The following DDX55 variants were observed in gnomAD, a reference collection of about 807,000 sequenced individuals.
The protein encoded by DDX55 is ATP-dependent RNA helicase DDX55.
DDX55 carries 56 observed loss-of-function variants against 69.2 expected under a neutral mutation model. That is an observed-to-expected ratio of 0.81 (90% CI 0.65 to 1.01). The LOEUF (loss-of-function observed/expected upper bound fraction) is 1.01, where lower values mean the gene tolerates loss of function less well. Ranked by LOEUF, DDX55 falls within the 50% of genes least tolerant of loss-of-function variation. The pLI, the probability that DDX55 is intolerant of heterozygous loss-of-function variation, is 0.00. For missense variants in DDX55, 720 were observed against 745.1 expected, an observed-to-expected ratio of 0.97 and a Z score of 0.39; for synonymous variants, 268 against 273.1, an observed-to-expected ratio of 0.98 and a Z score of 0.18.
chr12:123,607,690 T>G (rs1953977951), intron 5 of DDX55, 28 bp downstream of exon 5: 1 of 1,614,104 alleles, frequency 6.2e-7, no homozygotes, highest in East Asian at 2.2e-5. Flanking sequence ...TGCTTGTTTC[T>G]TTGCTTGCTT....
chr12:123,619,796 A>G, intron 13 of DDX55, 72 bp downstream of exon 13: 5 of 1,521,554 alleles, frequency 3.3e-6, no homozygotes, highest in Non-Finnish European at 4.4e-6. Flanking sequence ...TTAAATAGGA[A>G]TTGTGTGGGG....
intron 8 of DDX55, among the ~76,000 whole-genome samples, chr12:123,613,710 CT>C (rs1156799676): frequency 6.6e-6 from 1 of 152,218 alleles, no homozygotes; most frequent in Non-Finnish European, 1.5e-5. Context: ...GTGAATTCAT[CT>C]TAGGGGCCAA....
At chr12:123,608,142 CCT>C (rs1332453053) in intron 5 of DDX55, 1 of 189,512 alleles carries the variant, frequency 5.3e-6, no homozygotes, top group Non-Finnish European at 1.1e-5. Context: ...CACATCTGGC[CCT>C]GAGTCTGCCA....
At chr12:123,607,722 G>A (rs922525255) in intron 5 of DDX55, 60 bp downstream of exon 5, 28 of 1,611,028 alleles carry the variant, frequency 1.7e-5, no homozygotes, top group African/African-American at 1.1e-4. Flanking sequence ...CCTAAGAATC[G>A]ATGTGTGATC....
At chr12:123,614,086 C>T (rs1370918222) in intron 8 of DDX55, among the ~76,000 whole-genome samples, 1 of 152,132 alleles carries the variant, frequency 6.6e-6, no homozygotes, top group African/African-American at 2.4e-5. Flanking sequence ...GTAAGAAGTA[C>T]AATTTGGTAC....
chr12:123,620,055 A>T lies in DDX55; in HGVS notation c.1718A>T (p.Glu573Val). 1 of 1,614,232 alleles carries T rather than the reference A, an allele frequency of 6.2e-7. No individual in the cohort carries two copies. The highest frequency in any genetic ancestry group is 8.5e-7 in the Non-Finnish European group (1 of 1,180,042). Residue 573 changes from glutamate to valine, a missense_variant, in exon 14 of 14, where the codon GAA becomes GTA. By Grantham distance (121) the Glu-to-Val change is moderately radical. Coordinates refer to ENST00000238146, the MANE Select transcript of DDX55 (RefSeq NM_020936.3). ...AAGAAAGGCAAAATAACTGAAGAAG[A>T]ATTTGAGAAGGGCTTGTTGACAACT... ...KLKKGKITEE[E>V]FEKGLLTTGK...
intron 11 of DDX55, 142 bp from the exon 12 acceptor site, chr12:123,618,527 A>G: frequency 6.5e-7 from 1 of 1,533,154 alleles, no homozygotes; most frequent in Non-Finnish European, 8.8e-7. Flanking sequence ...AGCATGTGAA[A>G]TATTTGGGTT....
rs139055355 is a variant in DDX55 at position 123,608,633 on chromosome 12, T to C, written c.402-47T>C. On this transcript the variant is annotated intron_variant, in intron 5 of 13. Transcript: ENST00000238146. ...GGTATTTTGGTAATCATCAACCACA[T>C]TCCCAAGATCCAGAGAGTTTGGTAA... The C allele has an allele frequency of 8.1e-6, 13 of 1,599,656 alleles. No homozygotes were observed. The African/African-American group carries it at 1.7e-4, about 21-fold the overall frequency.
chr12:123,619,839 T>G, intron 13 of DDX55, 115 bp downstream of exon 13: 1 of 1,518,372 alleles, frequency 6.6e-7, no homozygotes, highest in South Asian at 1.4e-5. Flanking sequence ...GCGACCAGGG[T>G]GGGGAATTTG....
rs552389958 is a variant in DDX55 at position 123,618,085 on chromosome 12, C to T, written c.1164+213C>T. On this transcript the variant is annotated intron_variant, in intron 11 of 13. Coordinates refer to ENST00000238146, the MANE Select transcript of DDX55 (RefSeq NM_020936.3). ...AGGCTGGAGTGCAATGGCACTATCT[C>T]GGTTCACCGCAACCTCCACCTCCCG... is the stretch of plus-strand genomic sequence containing the variant. 327 of 484,514 alleles carry T rather than the reference C, an allele frequency of 6.7e-4. 4 individuals carry two copies. Among genetic ancestry groups the T allele is most frequent in the African/African-American group, 6.0e-3 (298 of 49,286 alleles). 30.0% of individuals were successfully genotyped at this position (484,514 alleles called of 1,614,324 possible). A position where few individuals can be genotyped will look rare whatever the true frequency, so the allele number is the denominator to read the frequency against.
rs1021340129 is a variant in DDX55 at position 123,620,278 on chromosome 12, TGAG to T, written c.*140_*142del. ...TGTCTCTGAAAGCTGTCCTTTCAGA[TGAG>T]GGAGAAATGAAGGATTTCACACTTC... On this transcript the variant is annotated 3_prime_UTR_variant, in exon 14 of 14. Transcript: ENST00000238146. 3 of 816,910 alleles carry T rather than the reference TGAG, an allele frequency of 3.7e-6. No individual in the cohort carries two copies. Among genetic ancestry groups the T allele is most frequent in the Non-Finnish European group, 5.5e-6 (3 of 540,872 alleles). The allele number at this position is 816,910 out of a possible 1,614,324, so 50.6% of individuals were successfully genotyped here.
At chr12:123,614,142 C>T (rs1167304240) in intron 8 of DDX55, among the ~76,000 whole-genome samples, 1 of 152,088 alleles carries the variant, frequency 6.6e-6, no homozygotes, top group Non-Finnish European at 1.5e-5. Context: ...GAAACTGCAC[C>T]CTGCTAGGTG....
chr12:123,613,078 A>G (rs2135720202), intron 7 of DDX55, 92 bp from the exon 8 acceptor site: 1 of 1,351,614 alleles, frequency 7.4e-7, no homozygotes, highest in Non-Finnish European at 1.0e-6. Flanking sequence ...GGGAAATGAC[A>G]TTCCTTAAAA....
At chr12:123,603,601 A>T (rs1282699106) in intron 1 of DDX55, among the ~76,000 whole-genome samples, 2 of 151,894 alleles carry the variant, frequency 1.3e-5, no homozygotes, top group African/African-American at 2.4e-5. Context: ...CATCTCGGCC[A>T]GGTTGGTCTT....
chr12:123,620,024 AAACTT>A lies in DDX55; in HGVS notation c.1690_1694del (p.Leu564GlufsTer6). On this transcript the variant is annotated frameshift_variant, in exon 14 of 14. Coordinates refer to ENST00000238146, the MANE Select transcript of DDX55 (RefSeq NM_020936.3). LOFTEE classifies it high-confidence loss of function. The stretch of plus-strand genomic sequence containing the variant: ...TCTTAATGACACAAGACTCTTGAAA[AAACTT>A]AAGAAAGGCAAAATAACTGAAGAAG... The A allele has an allele frequency of 1.2e-5, 20 of 1,614,206 alleles. No individual in the cohort carries two copies. Among genetic ancestry groups the A allele is most frequent in the South Asian group, 2.2e-5 (2 of 91,080 alleles).
chr12:123,606,215 A>G, intron 3 of DDX55, 56 bp downstream of exon 3: 1 of 1,592,522 alleles, frequency 6.3e-7, no homozygotes, highest in South Asian at 1.1e-5. Context: ...TTCACATTGG[A>G]TTAAGAAGCT....
chr12:123,616,492 C>G lies in DDX55; in HGVS notation c.957-19C>G. ...GATGGTGGCCTCCTTACTCAGAATGCTTTTTTCTCATTTCCTAGTGGGATT... is the reference window on the plus strand; with the variant it reads ...GATGGTGGCCTCCTTACTCAGAATGGTTTTTTCTCATTTCCTAGTGGGATT... On this transcript the variant is annotated intron_variant, in intron 9 of 13. Coordinates refer to ENST00000238146, the MANE Select transcript of DDX55 (RefSeq NM_020936.3). The G allele has an allele frequency of 3.7e-6, 6 of 1,612,700 alleles. No individual in the cohort carries two copies. The highest frequency in any genetic ancestry group is 5.1e-6 in the Non-Finnish European group (6 of 1,178,770).
At position 123,619,603 on chromosome 12, in the gene DDX55, A is replaced by G. The variant is rs1273432722; in HGVS notation, c.1505A>G (p.Gln502Arg). 1 of 1,613,960 alleles carries G rather than the reference A, an allele frequency of 6.2e-7. No individual in the cohort carries two copies. The highest frequency in any genetic ancestry group is 1.3e-5 in the African/African-American group (1 of 74,928). ...EKQRQKLLEQ[Q>R]RREKTENEGR... ...CAGAGGCAGAAACTCCTGGAGCAAC[A>G]AAGAAGAGAGAAAACAGAAAATGAA... Residue 502 changes from glutamine to arginine, a missense_variant, in exon 13 of 14, where the codon CAA (glutamine) becomes CGA (arginine). Gln to Arg is a conservative substitution (Grantham distance 43). Coordinates refer to ENST00000238146, the MANE Select transcript of DDX55 (RefSeq NM_020936.3).
intron 11 of DDX55, chr12:123,618,291 C>T (rs1375961870): frequency 4.2e-5 from 21 of 502,912 alleles, no homozygotes; most frequent in Admixed American, 3.1e-4. Context: ...GGATGACAGG[C>T]GTGAGCCACC....
Sources: allele counts gnomAD v4.1 joint callset (sites outside exome capture counted in the v4.1 genomes callset), GRCh38; gene constraint gnomAD v4.1.1; transcripts MANE v1.5; gene names NCBI Gene and HGNC (gene_info 2026-07-23, HGNC 2026-07-21).